NRG1: variants seen among roughly 807,000 people sequenced by gnomAD.
The protein encoded by NRG1 is neuregulin 1.
A neutral mutation model predicts 63.8 loss-of-function variants in NRG1; 18 were observed. That is an observed-to-expected ratio of 0.28 (90% CI 0.19 to 0.42). NRG1 has a LOEUF of 0.42. NRG1 is among the 10% of genes least tolerant of loss of function. The probability of loss-of-function intolerance (pLI) is 1.00; values close to 1 mark genes in which losing one functional copy is unlikely to be tolerated. For synonymous variants in NRG1, 302 were observed against 301.3 expected (o/e 1.00, Z -0.02); for missense variants, 762 against 814.7 (o/e 0.94, Z 0.79).
chr8:32,489,602 G>A (rs1047137057), intron 1 of NRG1, among the ~76,000 whole-genome samples: 1 of 152,120 alleles, frequency 6.6e-6, no homozygotes, highest in African/African-American at 2.4e-5. Context: ...TCTTCCTGGT[G>A]AAGGACCCAG....
intron 1 of NRG1, among the ~76,000 whole-genome samples, chr8:32,353,289 AAAT>A (rs1409144644): frequency 2.0e-5 from 3 of 150,688 alleles, no homozygotes; most frequent in African/African-American, 2.4e-5. Context: ...AATTTAAATA[AAAT>A]AATAATAAAT....
intron 1 of NRG1, among the ~76,000 whole-genome samples, chr8:32,384,339 T>C (rs977944484): frequency 6.6e-6 from 1 of 152,236 alleles, no homozygotes; most frequent in Non-Finnish European, 1.5e-5. Flanking sequence ...AATGAATGCA[T>C]TGATAATGAC....
At chr8:32,091,214 C>A (rs1482053212) in intron 1 of NRG1, among the ~76,000 whole-genome samples, 2 of 150,052 alleles carry the variant, frequency 1.3e-5, no homozygotes, top group Non-Finnish European at 3.0e-5. Flanking sequence ...GGAGGCAGAG[C>A]TTGCAGTGAG....
chr8:32,679,475 A>C (rs1808052987), intron 5 of NRG1, among the ~76,000 whole-genome samples: 1 of 152,136 alleles, frequency 6.6e-6, no homozygotes, highest in African/African-American at 2.4e-5. Context: ...TATCTTTCTC[A>C]AAAAAATTAA....
chr8:31,842,208 C>G (rs1258908012), intron 1 of NRG1, among the ~76,000 whole-genome samples: 1 of 152,154 alleles, frequency 6.6e-6, no homozygotes, highest in Admixed American at 6.6e-5. Flanking sequence ...TTTGGTTAAC[C>G]TGGTTTTTAT....
chr8:31,706,441 A>G (rs1220407761), intron 1 of NRG1, among the ~76,000 whole-genome samples: 8 of 152,108 alleles, frequency 5.3e-5, no homozygotes, highest in Admixed American at 5.2e-4. Context: ...ACCATAATAT[A>G]TGTATATTTC....
chr8:32,302,171 G>C (rs959644544), intron 1 of NRG1, among the ~76,000 whole-genome samples: 1 of 152,104 alleles, frequency 6.6e-6, no homozygotes, highest in Non-Finnish European at 1.5e-5. Context: ...TATGGTCTTG[G>C]GGGTGCAGGA....
chr8:32,758,975 G>A (rs1362563414), intron 9 of NRG1, among the ~76,000 whole-genome samples: 1 of 152,134 alleles, frequency 6.6e-6, no homozygotes, highest in Non-Finnish European at 1.5e-5. Context: ...ATGGATATTT[G>A]TATGGAATTC....
chr8:32,423,926 G>C (rs1334549154), intron 1 of NRG1, among the ~76,000 whole-genome samples: 1 of 152,090 alleles, frequency 6.6e-6, no homozygotes, highest in East Asian at 1.9e-4. Context: ...GCAGATACTG[G>C]AATAATAATG....
chr8:32,047,094 C>T (rs1821130491), intron 1 of NRG1, among the ~76,000 whole-genome samples: 1 of 151,938 alleles, frequency 6.6e-6, no homozygotes, highest in African/African-American at 2.4e-5. Context: ...GTCTCACTCA[C>T]TTTAGTTTTT....
intron 1 of NRG1, among the ~76,000 whole-genome samples, chr8:32,060,899 T>G (rs928485438): frequency 6.6e-6 from 1 of 151,998 alleles, no homozygotes; most frequent in African/African-American, 2.4e-5. Flanking sequence ...TAAAATTGAG[T>G]CAAAAAGTGT....
At chr8:32,109,422 T>G (rs191437765) in intron 1 of NRG1, among the ~76,000 whole-genome samples, 1 of 152,338 alleles carries the variant, frequency 6.6e-6, no homozygotes, top group Admixed American at 6.5e-5. Context: ...TGTCCAAAAC[T>G]TTGGTTTTAC....
chr8:31,654,172 C>G (rs912240483), intron 1 of NRG1, among the ~76,000 whole-genome samples: 3 of 152,086 alleles, frequency 2.0e-5, no homozygotes, highest in African/African-American at 7.2e-5. Flanking sequence ...CTTTAAAATA[C>G]TATTGAAAAG....
At chr8:31,725,008 A>G (rs1813284098) in intron 1 of NRG1, among the ~76,000 whole-genome samples, 1 of 152,192 alleles carries the variant, frequency 6.6e-6, no homozygotes, top group South Asian at 2.1e-4. Context: ...GTTCCAATAA[A>G]ACTTTATTTA....
chr8:31,699,431 A>G (rs1810409099), intron 1 of NRG1, among the ~76,000 whole-genome samples: 1 of 152,188 alleles, frequency 6.6e-6, no homozygotes, highest in Non-Finnish European at 1.5e-5. Flanking sequence ...GATAGTAAGA[A>G]AAACATATTG....
At chr8:31,644,498 T>G (rs1376369466) in intron 1 of NRG1, among the ~76,000 whole-genome samples, 4 of 152,174 alleles carry the variant, frequency 2.6e-5, no homozygotes, top group Non-Finnish European at 5.9e-5. Flanking sequence ...ATAAATCCTC[T>G]GAATGTAGGG....
At chr8:31,851,480 T>A (rs1827209775) in intron 1 of NRG1, among the ~76,000 whole-genome samples, 1 of 152,210 alleles carries the variant, frequency 6.6e-6, no homozygotes, top group Admixed American at 6.5e-5. Context: ...AAGTGTCGAT[T>A]TTAAAATTAC....
At chr8:31,742,141 C>A (rs982178730) in intron 1 of NRG1, among the ~76,000 whole-genome samples, 6 of 151,782 alleles carry the variant, frequency 4.0e-5, no homozygotes, top group African/African-American at 1.5e-4. Flanking sequence ...TCAAAACAAG[C>A]AAAATTCAGC....
chr8:32,156,879 G>T (rs1838143944), intron 1 of NRG1, among the ~76,000 whole-genome samples: 1 of 152,176 alleles, frequency 6.6e-6, no homozygotes, highest in Non-Finnish European at 1.5e-5. Flanking sequence ...GAAGGCTTCA[G>T]TGAGCTGTGA....
Sources: allele counts gnomAD v4.1 joint callset (sites outside exome capture counted in the v4.1 genomes callset), GRCh38; gene constraint gnomAD v4.1.1; transcripts MANE v1.5; gene names NCBI Gene and HGNC (gene_info 2026-07-23, HGNC 2026-07-21).